LAG3: variants seen among roughly 807,000 people sequenced by gnomAD.
The protein encoded by LAG3 is lymphocyte activating 3.
Under a neutral mutation model 49.0 loss-of-function variants are expected in LAG3, and 29 were observed. The observed-to-expected ratio is 0.59, with a 90% confidence interval of 0.44 to 0.81. The LOEUF (loss-of-function observed/expected upper bound fraction) is 0.81, where lower values mean the gene tolerates loss of function less well. LAG3 is among the 30% of genes least tolerant of loss of function. The pLI is 0.00. For synonymous variants in LAG3, 320 were observed against 297.3 expected, an observed-to-expected ratio of 1.08 and a Z score of -0.79; for missense variants, 693 against 695.2, an observed-to-expected ratio of 1.00 and a Z score of 0.04.
rs1941881430 is a variant in LAG3 at position 6,774,473 on chromosome 12, G to A, written c.512-122G>A. 3 of 1,101,234 alleles carry A rather than the reference G, an allele frequency of 2.7e-6. No individual in the cohort carries two copies. In the African/African-American group the frequency reaches 4.7e-5, roughly 17 times the overall value. 68.2% of individuals were successfully genotyped at this position (1,101,234 alleles called of 1,614,324 possible). ...AGCTGAGATGGGGAGAGGGTGATGTGGGAGAGGAGAAGACAAGTCTAAAGC... is the reference window on the plus strand; with the variant it reads ...AGCTGAGATGGGGAGAGGGTGATGTAGGAGAGGAGAAGACAAGTCTAAAGC... On this transcript the variant is annotated intron_variant, in intron 3 of 7. Coordinates refer to ENST00000203629, the MANE Select transcript of LAG3 (RefSeq NM_002286.6).
chr12:6,774,109 G>C lies in LAG3; in HGVS notation c.511+108G>C, dbSNP rs987425311. 8 of 1,329,010 alleles carry C rather than the reference G, an allele frequency of 6.0e-6. No individual in the cohort carries two copies. The African/African-American group carries it at 9.3e-5, about 15-fold the overall frequency. The allele number at this position is 1,329,010 out of a possible 1,614,324, so 82.3% of individuals were successfully genotyped here. A position where few individuals can be genotyped will look rare whatever the true frequency, so the allele number is the denominator to read the frequency against. ...AGAGGCTGCGCCCTAGGCCCTGTCG[G>C]AGAGCTCCCAGAAGAGTAGAGGAAG... On this transcript the variant is annotated intron_variant, in intron 3 of 7. Transcript: ENST00000203629.
chr12:6,775,394 T>C lies in LAG3; in HGVS notation c.903T>C (p.Pro301=). The C allele has an allele frequency of 6.2e-7, 1 of 1,614,188 alleles. No homozygotes were observed. Among genetic ancestry groups the C allele is most frequent in the South Asian group, 1.1e-5 (1 of 91,080 alleles). Residue 301 remains proline, a synonymous_variant, in exon 5 of 8, where the codon CCT becomes CCC. Coordinates refer to ENST00000203629, the MANE Select transcript of LAG3 (RefSeq NM_002286.6). ...RSFLTAKWTP[P]GGGPDLLVTG... ...TCCTCACTGCCAAGTGGACTCCTCC[T>C]GGGGGAGGCCCTGACCTCCTGGTGA... is the stretch of plus-strand genomic sequence containing the variant.
chr12:6,773,306 G>C lies in LAG3; in HGVS notation c.173G>C (p.Arg58Thr), dbSNP rs1264184775. 1.2e-6 allele frequency: 2 copies of C among 1,613,764 alleles called. No homozygotes were observed. The highest frequency in any genetic ancestry group is 2.7e-5 in the African/African-American group (2 of 74,920). ...IPLQDLSLLR[R>T]AGVTWQHQPD... ...CTCCAGGATCTCAGCCTTCTGCGAA[G>C]AGCAGGGGTCACTTGGCAGCATCAG... is the stretch of plus-strand genomic sequence containing the variant. The change falls in exon 2 of 8, where the codon AGA becomes ACA. Residue 58 changes from arginine (R) to threonine (T), a missense_variant. Transcript: ENST00000203629. The surrounding 1 kb of genome is among the most constrained non-coding windows in gnomAD (Gnocchi z 5.5).
Position 6,778,365 on chromosome 12 carries a change from C to G in LAG3, c.1553C>G (p.Pro518Arg), listed in dbSNP as rs771939886. ...PEPEPEPEPE[P>R]EPEPEQL ...CCGGAGCCGGAACCGGAGCCCGAGC[C>G]CGAGCCCGAGCCGGAGCAGCTCTGA... is the stretch of plus-strand genomic sequence containing the variant. The change falls in exon 8 of 8, where the codon CCC (proline) becomes CGC (arginine). Residue 518 changes from proline to arginine, a missense_variant. Pro to Arg is a moderately radical substitution (Grantham distance 103). Coordinates refer to ENST00000203629, the MANE Select transcript of LAG3 (RefSeq NM_002286.6). 1 of 1,611,882 alleles carries G rather than the reference C, an allele frequency of 6.2e-7. No homozygotes were observed. The highest frequency in any genetic ancestry group is 1.1e-5 in the South Asian group (1 of 91,064).
chr12:6,775,251 T>C, intron 4 of LAG3, 22 bp from the exon 5 acceptor site: 1 of 1,603,348 alleles, frequency 6.2e-7, no homozygotes, highest in Admixed American at 1.7e-5. Flanking sequence ...AGCTTTAACT[T>C]TGGGTTTTCT....
intron 5 of LAG3, 92 bp downstream of exon 5, chr12:6,775,640 C>A: frequency 7.8e-7 from 1 of 1,280,390 alleles, no homozygotes; most frequent in Non-Finnish European, 1.1e-6. Context: ...GCAAACCCAC[C>A]CTGTGATGCC....
intron 3 of LAG3, 142 bp from the exon 4 acceptor site, chr12:6,774,453 A>C (rs2137807387): frequency 1.1e-6 from 1 of 923,598 alleles, no homozygotes; most frequent in South Asian, 1.7e-5. Context: ...CTGGAAGCTG[A>C]GATGGGGAGA....
intron 3 of LAG3, 130 bp from the exon 4 acceptor site, chr12:6,774,465 G>T: frequency 9.9e-7 from 1 of 1,007,546 alleles, no homozygotes; most frequent in Non-Finnish European, 1.4e-6. Context: ...ATGGGGAGAG[G>T]GTGATGTGGG....
At chr12:6,775,240 C>G (rs768506646) in intron 4 of LAG3, 33 bp from the exon 5 acceptor site, 18 of 1,597,758 alleles carry the variant, frequency 1.1e-5, no homozygotes, top group Non-Finnish European at 1.5e-5. Context: ...CTGCAGCACC[C>G]AGCTTTAACT....
rs11064377 is a variant in LAG3 at position 6,777,714 on chromosome 12, A to G, written c.1301-77A>G. ...CCTTAAACTCTCTGGATCTCATTGC[A>G]TCTGTAAAGTCTGAGAGAATGACAA... is the stretch of plus-strand genomic sequence containing the variant. On this transcript the variant is annotated intron_variant, in intron 6 of 7. Transcript: ENST00000203629. The G allele has an allele frequency of 8.5e-3, 13,247 of 1,552,450 alleles. 901 individuals carry two copies. The African/African-American group carries it at 0.15, about 18-fold the overall frequency.
Position 6,774,834 on chromosome 12 carries a change from G to A in LAG3, c.751G>A (p.Val251Ile), listed in dbSNP as rs141083491. ...CCTCACCTACAGAGATGGCTTCAAC[G>A]TCTCCATCATGTATAACCTCACTGT... ...CILTYRDGFN[V>I]SIMYNLTVLG... Residue 251 changes from valine (V) to isoleucine (I), a missense_variant, in exon 4 of 8, where the codon GTC becomes ATC. By Grantham distance (29) the Val-to-Ile change is conservative. Transcript: ENST00000203629. The A allele has an allele frequency of 5.3e-4, 854 of 1,613,902 alleles. 7 individuals carry two copies. The highest frequency in any genetic ancestry group is 4.9e-4 in the Middle Eastern group (3 of 6,082).
intron 3 of LAG3, among the ~76,000 whole-genome samples, chr12:6,774,268 GA>G (rs1941878794): frequency 6.6e-6 from 1 of 152,214 alleles, no homozygotes. Flanking sequence ...GGGAGGGGGG[GA>G]GAGCATGGGG....
At chr12:6,777,960 C>T (rs1565482827) in intron 7 of LAG3, 39 bp downstream of exon 7, 3 of 1,610,236 alleles carry the variant, frequency 1.9e-6, no homozygotes, top group Non-Finnish European at 1.7e-6. Flanking sequence ...CCCAGCAGCT[C>T]CCGCTCTTCC....
At position 6,773,632 on chromosome 12, in the gene LAG3, C is replaced by G; in HGVS notation, c.207-65C>G. The G allele has an allele frequency of 7.5e-7, 1 of 1,334,068 alleles. No homozygotes were observed. The highest frequency in any genetic ancestry group is 3.1e-5 in the East Asian group (1 of 32,196). The allele number at this position is 1,334,068 out of a possible 1,614,324, so 82.6% of individuals were successfully genotyped here. The stretch of plus-strand genomic sequence containing the variant: ...GGGCTTTCTCATCCTCAACGGGTGG[C>G]TGCCTGCATCCTCCCGGGCTTCCTA... On this transcript the variant is annotated intron_variant, in intron 2 of 7. Coordinates refer to ENST00000203629, the MANE Select transcript of LAG3 (RefSeq NM_002286.6). The surrounding 1 kb of genome is among the most constrained non-coding windows in gnomAD (Gnocchi z 5.5).
At chr12:6,778,005 A>G (rs754701959) in intron 7 of LAG3, 84 bp downstream of exon 7, 79 of 1,593,282 alleles carry the variant, frequency 5.0e-5, no homozygotes, top group Non-Finnish European at 6.6e-5. Flanking sequence ...CTTCCTCAGG[A>G]AGGTGACCAA....
chr12:6,775,309 G>C lies in LAG3; in HGVS notation c.818G>C (p.Gly273Ala). Residue 273 changes from glycine (G) to alanine (A), a missense_variant, in exon 5 of 8, where the codon GGA (glycine) becomes GCA (alanine). Coordinates refer to ENST00000203629, the MANE Select transcript of LAG3 (RefSeq NM_002286.6). ...EPPTPLTVYA[G>A]AGSRVGLPCR... ...CCAACTCCCTTGACAGTGTACGCTG[G>C]AGCAGGTTCCAGGGTGGGGCTGCCC... 14 of 1,614,168 alleles carry C rather than the reference G, an allele frequency of 8.7e-6. No homozygotes were observed. Among genetic ancestry groups the C allele is most frequent in the Non-Finnish European group, 1.2e-5 (14 of 1,180,022 alleles).
intron 5 of LAG3, among the ~76,000 whole-genome samples, chr12:6,776,131 G>A (rs1364320558): frequency 1.3e-5 from 2 of 152,204 alleles, no homozygotes; most frequent in Non-Finnish European, 2.9e-5. Context: ...CCCACGGCAG[G>A]TGCTTAATAA....
At chr12:6,774,507 T>C in intron 3 of LAG3, 88 bp from the exon 4 acceptor site, 2 of 1,462,616 alleles carry the variant, frequency 1.4e-6, no homozygotes, top group Non-Finnish European at 1.8e-6. Context: ...GCCAGGTGCC[T>C]GTTTCCAGGA....
chr12:6,773,462 T>C lies in LAG3; in HGVS notation c.206+123T>C, dbSNP rs1941866371. ...TCTGAAGCCAGTGACCCAGTCTCCC[T>C]GCCCTCGCTTGCACCGTTCCTGCCC... On this transcript the variant is annotated intron_variant, in intron 2 of 7. Coordinates refer to ENST00000203629, the MANE Select transcript of LAG3 (RefSeq NM_002286.6). The surrounding 1 kb of genome is among the most constrained non-coding windows in gnomAD (Gnocchi z 5.5). The C allele has an allele frequency of 4.8e-6, 6 of 1,247,776 alleles. No homozygotes were observed. In the South Asian group the frequency reaches 8.0e-5, roughly 17 times the overall value. The allele number at this position is 1,247,776 out of a possible 1,614,324, so 77.3% of individuals were successfully genotyped here. A position where few individuals can be genotyped will look rare whatever the true frequency, so the allele number is the denominator to read the frequency against.
Sources: gnomAD v4.1 joint callset for allele counts (sites outside exome capture counted in the v4.1 genomes callset) on GRCh38, gnomAD v4.1.1 for gene constraint, Gnocchi (gnomAD v3.1) non-coding constraint, MANE v1.5 for transcripts, NCBI Gene and HGNC (gene_info 2026-07-23, HGNC 2026-07-21) for gene names.